SYNE1: variants seen among roughly 807,000 people sequenced by gnomAD.
SYNE1 encodes the protein spectrin repeat containing nuclear envelope protein 1.
A neutral mutation model predicts 1,111.0 loss-of-function variants in SYNE1; 616 were observed. That is an observed-to-expected ratio of 0.55 (90% CI 0.52 to 0.59). The LOEUF is 0.59. SYNE1 is among the 20% of genes least tolerant of loss of function. The pLI, the probability that SYNE1 is intolerant of heterozygous loss-of-function variation, is 0.00. For missense variants in SYNE1, 10,006 were observed against 10,417.0 expected, an observed-to-expected ratio of 0.96 and a Z score of 1.72; for synonymous variants, 3,855 against 3,825.8, an observed-to-expected ratio of 1.01 and a Z score of -0.28.
At chr6:152,386,822 A>G (rs1274951835) in intron 54 of SYNE1, among the ~76,000 whole-genome samples, 1 of 152,180 alleles carries the variant, frequency 6.6e-6, no homozygotes, top group Non-Finnish European at 1.5e-5. Context: ...AAAGAGAAAA[A>G]TAAGCAATAA....
intron 72 of SYNE1, among the ~76,000 whole-genome samples, chr6:152,348,086 T>G (rs1240363525): frequency 6.6e-6 from 1 of 152,188 alleles, no homozygotes; most frequent in Admixed American, 6.5e-5. Context: ...AATTTTTAAT[T>G]CTTGTAATAT....
At chr6:152,387,677 A>T (rs2097545637) in intron 53 of SYNE1, among the ~76,000 whole-genome samples, 1 of 152,236 alleles carries the variant, frequency 6.6e-6, no homozygotes, top group African/African-American at 2.4e-5. Context: ...ATATACATTT[A>T]TATGTTATGT....
At position 152,261,831 on chromosome 6, in the gene SYNE1, A is replaced by T. The variant is rs17082392; in HGVS notation, c.18972+201T>A. Among the ~76,000 whole-genome samples, 11,629 of 152,194 alleles carry T rather than the reference A, an allele frequency of 0.076. 774 individuals are homozygous for T. The highest frequency in any genetic ancestry group is 0.17 in the African/African-American group (6,943 of 41,484). The stretch of plus-strand genomic sequence containing the variant: ...GAGGAAAAATATTGTCTATAAATCA[A>T]ATAAATTTTCACATATAAATATATA... On this transcript the variant is annotated intron_variant, in intron 101 of 145. Transcript: ENST00000367255.
chr6:152,193,958 G>T (rs530464366), intron 127 of SYNE1, among the ~76,000 whole-genome samples: 254 of 151,430 alleles, frequency 1.7e-3, no homozygotes, highest in Non-Finnish European at 3.2e-3. Flanking sequence ...GCTTGCAGTG[G>T]GCCAAGATCC....
intron 8 of SYNE1, among the ~76,000 whole-genome samples, chr6:152,509,530 T>G (rs912672301): frequency 6.6e-6 from 1 of 152,170 alleles, no homozygotes; most frequent in African/African-American, 2.4e-5. Flanking sequence ...GAGCTGGGAT[T>G]ATAGGCATGA....
intron 76 of SYNE1, chr6:152,335,967 A>G (rs1369677835): frequency 3.9e-5 from 6 of 151,956 alleles, no homozygotes; most frequent in African/African-American, 1.4e-4. Context: ...GATTACAGGC[A>G]TGAGCCACCA....
At chr6:152,598,128 T>G (rs1423102309) in intron 3 of SYNE1, among the ~76,000 whole-genome samples, 1 of 152,174 alleles carries the variant, frequency 6.6e-6, no homozygotes, top group Non-Finnish European at 1.5e-5. Context: ...CACCCAAATC[T>G]AATCTTGAAT....
chr6:152,589,693 G>T (rs1014276479), intron 3 of SYNE1, among the ~76,000 whole-genome samples: 5 of 152,170 alleles, frequency 3.3e-5, no homozygotes, highest in African/African-American at 1.2e-4. Flanking sequence ...TAGAGAGGCA[G>T]CAAAGGCCCG....
rs1043288099 is a variant in SYNE1 at position 152,442,139 on chromosome 6, C to G, written c.3944G>C (p.Arg1315Pro). Residue 1315 changes from arginine to proline, a missense_variant, in exon 31 of 146, where the codon CGG (arginine) becomes CCG (proline). By Grantham distance (103) the Arg-to-Pro change is moderately radical (BLOSUM62 -2). Coordinates refer to ENST00000367255, the MANE Select transcript of SYNE1 (RefSeq NM_182961.4). ...GLPDRGHEEL[R>P]KLESTLDGLE... ...GCCATCCAGTGTGCTCTCCAGCTTCCGCAGCTCCTCGTGGCCTCGGTCAGG... is the reference window on the plus strand; with the variant it reads ...GCCATCCAGTGTGCTCTCCAGCTTCGGCAGCTCCTCGTGGCCTCGGTCAGG... The G allele has an allele frequency of 1.4e-5, 22 of 1,613,782 alleles. No individual in the cohort carries two copies. The highest frequency in any genetic ancestry group is 1.5e-5 in the Non-Finnish European group (18 of 1,179,944).
At chr6:152,361,649 G>A (rs925173943) in intron 64 of SYNE1, among the ~76,000 whole-genome samples, 1 of 152,168 alleles carries the variant, frequency 6.6e-6, no homozygotes, top group Non-Finnish European at 1.5e-5. Flanking sequence ...GATGGAACAG[G>A]CTGACCGATG....
At chr6:152,247,069 GA>G (rs1375446499) in intron 105 of SYNE1, among the ~76,000 whole-genome samples, 16 of 152,346 alleles carry the variant, frequency 1.1e-4, no homozygotes, top group Admixed American at 5.2e-4. Flanking sequence ...TTGGGATTCA[GA>G]AGAGAGAAGA....
chr6:152,455,614 T>C (rs758288726), intron 23 of SYNE1, 24 bp from the exon 24 acceptor site: 1 of 1,613,844 alleles, frequency 6.2e-7, no homozygotes. Context: ...ACAATCATAA[T>C]GTGATGCTGC....
At position 152,498,779 on chromosome 6, in the gene SYNE1, C is replaced by T. The variant is rs1316285275; in HGVS notation, c.902G>A (p.Gly301Asp). 2.6e-6 allele frequency: 4 copies of T among 1,545,688 alleles called. No individual in the cohort carries two copies. In the African/African-American group the frequency reaches 5.5e-5, roughly 21 times the overall value. ...TACAGAATTTGCAAAAGATGGGAAA[C>T]CTGGAAGTATTTCCTAACAATATGA... Reference protein sequence around the residue: ...DGQEDDEILPGFPSFANSVQN... With the variant: ...DGQEDDEILPDFPSFANSVQN... The change falls in exon 11 of 146, where the codon GGT becomes GAT. Residue 301 changes from glycine to aspartate, a missense_variant. Gly to Asp is a moderately conservative substitution (Grantham distance 94). Coordinates refer to ENST00000367255, the MANE Select transcript of SYNE1 (RefSeq NM_182961.4).
rs1171279885 is a variant in SYNE1 at position 152,232,159 on chromosome 6, G to A, written c.20819C>T (p.Ser6940Phe). 1.9e-6 allele frequency: 3 copies of A among 1,606,800 alleles called. No individual in the cohort carries two copies. Among genetic ancestry groups the A allele is most frequent in the Non-Finnish European group, 2.6e-6 (3 of 1,173,630 alleles). ...TTCATGAATTGCCTTGTAACCTATG[G>A]AATTTTTAATATTATCTTCATCCTT... is the stretch of plus-strand genomic sequence containing the variant. ...IQKDEDNIKN[S>F]IGYKAIHEYL... is the part of the protein sequence containing the mutation. The change falls in exon 113 of 146, where the codon TCC becomes TTC. Residue 6940 changes from serine to phenylalanine, a missense_variant. Transcript: ENST00000367255.
chr6:152,547,715 CAGAA>C (rs2099321140), intron 3 of SYNE1, among the ~76,000 whole-genome samples: 1 of 152,168 alleles, frequency 6.6e-6, no homozygotes, highest in South Asian at 2.1e-4. Context: ...GTTGAAAACT[CAGAA>C]AGAGTTTGAC....
intron 138 of SYNE1, 97 bp downstream of exon 138, chr6:152,143,526 A>C: frequency 6.4e-7 from 1 of 1,561,444 alleles, no homozygotes; most frequent in Non-Finnish European, 8.8e-7. Context: ...CATGGTATTC[A>C]GAGACCACAT....
intron 39 of SYNE1, among the ~76,000 whole-genome samples, chr6:152,421,793 C>G (rs751745960): frequency 3.3e-5 from 5 of 151,874 alleles, no homozygotes; most frequent in Non-Finnish European, 7.4e-5. Context: ...GCAATCTCTG[C>G]CTCCCAGATT....
chr6:152,504,668 A>T lies in SYNE1; in HGVS notation c.778+533T>A, dbSNP rs1214244962. On this transcript the variant is annotated intron_variant, in intron 9 of 145. Coordinates refer to ENST00000367255, the MANE Select transcript of SYNE1 (RefSeq NM_182961.4). ...TATAAAAGTTTATCAAAGGCATCTA[A>T]ATTGTCTTTTGAAGGCTTGAAAGAG... is the stretch of plus-strand genomic sequence containing the variant. 2.0e-5 allele frequency among the ~76,000 whole-genome samples: 3 copies of T among 152,182 alleles called. No homozygotes were observed. In the East Asian group the frequency reaches 5.8e-4, roughly 29 times the overall value.
intron 125 of SYNE1, 105 bp downstream of exon 125, chr6:152,207,867 C>T (rs1164039593): frequency 1.9e-6 from 2 of 1,030,816 alleles, no homozygotes; most frequent in African/African-American, 1.6e-5. Context: ...AATGTTTGTC[C>T]CAGCTGCAAT....
Sources: gnomAD v4.1 joint callset for allele counts (sites outside exome capture counted in the v4.1 genomes callset) on GRCh38, gnomAD v4.1.1 for gene constraint, MANE v1.5 for transcripts, NCBI Gene and HGNC (gene_info 2026-07-23, HGNC 2026-07-21) for gene names.